FAAP20: variants seen among roughly 807,000 people sequenced by gnomAD.
FAAP20 encodes FA core complex associated protein 20, also known as Fanconi anemia core complex-associated protein 20.
In FAAP20, 12 loss-of-function variants were observed where a neutral mutation model predicts 16.2. The ratio of observed to expected loss-of-function variants is 0.74; its 90% CI spans 0.48 to 1.20. The LOEUF is 1.20. FAAP20 is among the 50% of genes most tolerant of loss of function. The pLI, the probability that FAAP20 is intolerant of heterozygous loss-of-function variation, is 0.00. For synonymous variants in FAAP20, 141 were observed against 110.7 expected, an observed-to-expected ratio of 1.27 and a Z score of -1.72; for missense variants, 288 against 245.8, an observed-to-expected ratio of 1.17 and a Z score of -1.15.
At chr1:2,198,097 G>A (rs1023642446), upstream of FAAP20, 25 of 1,291,200 alleles carry the variant, frequency 1.9e-5, no homozygotes, top group African/African-American at 2.0e-4. Context: ...TGATGAAAAC[G>A]CTCCACTTCT....
downstream of FAAP20, chr1:2,185,198 G>A (rs753674015): frequency 4.3e-4 from 301 of 708,198 alleles, 2 homozygotes; most frequent in Non-Finnish European, 5.0e-4. Flanking sequence ...CTGGGCCCGG[G>A]CAGGCCAGCT....
chr1:2,204,628 C>CG (rs1689168156), upstream of FAAP20, among the ~76,000 whole-genome samples: 1 of 152,124 alleles, frequency 6.6e-6, no homozygotes, highest in African/African-American at 2.4e-5. Flanking sequence ...ACCCGCAGGA[C>CG]GTCAGCCGGG....
At chr1:2,192,029 TC>T in intron 3 of FAAP20, 1 of 985,516 alleles carries the variant, frequency 1.0e-6, no homozygotes, top group Non-Finnish European at 1.2e-6. Flanking sequence ...TCCTGGCAGC[TC>T]CACTCCCCAG....
At chr1:2,192,359 A>T in intron 3 of FAAP20, 1 of 995,116 alleles carries the variant, frequency 1.0e-6, no homozygotes, top group Non-Finnish European at 1.2e-6. Context: ...CAAGGCCTGG[A>T]CCTGACTTCA....
At chr1:2,204,284 G>A (rs1569583780), upstream of FAAP20, among the ~76,000 whole-genome samples, 1 of 152,258 alleles carries the variant, frequency 6.6e-6, no homozygotes, top group Non-Finnish European at 1.5e-5. Context: ...ATCGTGAGCC[G>A]TGGTCTGCCG....
At chr1:2,203,657 G>T (rs145187530), upstream of FAAP20, 3 of 985,808 alleles carry the variant, frequency 3.0e-6, no homozygotes, top group Non-Finnish European at 3.6e-6. Context: ...TATCAGGCTG[G>T]GGCCGGCTGC....
At chr1:2,210,357 G>C (rs1456776022), downstream of FAAP20, among the ~76,000 whole-genome samples, 1 of 152,330 alleles carries the variant, frequency 6.6e-6, no homozygotes, top group East Asian at 1.9e-4. Flanking sequence ...CGGGACAGGG[G>C]GTGGCTGTGA....
chr1:2,196,630 A>G (rs262659), upstream of FAAP20, among the ~76,000 whole-genome samples: 29,599 of 151,860 alleles, frequency 0.19, 4,760 homozygotes, highest in African/African-American at 0.44. This position sits in a 1 kb window ranked among gnomAD's most constrained non-coding sequence, Gnocchi z 4.5. Flanking sequence ...ACTTGAGGCC[A>G]GGAGTTTGAG....
At chr1:2,184,811 T>A, downstream of FAAP20, 1 of 1,375,332 alleles carries the variant, frequency 7.3e-7, no homozygotes. Context: ...CCGCCTGGTG[T>A]CATCTCTCCA....
At chr1:2,186,042 C>G (rs1372532438), downstream of FAAP20, 5 of 452,324 alleles carry the variant, frequency 1.1e-5, no homozygotes, top group Non-Finnish European at 1.8e-5. Flanking sequence ...GCTGAGGCTT[C>G]CTAGAGGCAG....
At chr1:2,194,989 G>C (rs1005061742), upstream of FAAP20, among the ~76,000 whole-genome samples, 1 of 152,054 alleles carries the variant, frequency 6.6e-6, no homozygotes, top group East Asian at 2.0e-4. Flanking sequence ...CCCCGCCCGT[G>C]TCCCCTTTCC....
rs115162458 is a variant in FAAP20 at position 2,193,035 on chromosome 1, C to T, written c.470+604G>A. 1.0e-3 allele frequency: 1,312 copies of T among 1,295,552 alleles called. 15 individuals carry two copies. In the African/African-American group the frequency reaches 0.018, roughly 18 times the overall value. 80.3% of individuals were successfully genotyped at this position (1,295,552 alleles called of 1,614,324 possible). A position where few individuals can be genotyped will look rare whatever the true frequency, so the allele number is the denominator to read the frequency against. ...ACCTGGTCTCCATAAGCTCTGAAAC[C>T]TGCCGCCCATTAACTCAACCAAAAG... On this transcript the variant is annotated intron_variant, in intron 3 of 3. Transcript: ENST00000378546.
Position 2,189,759 on chromosome 1 carries a change from T to C in FAAP20, c.493A>G (p.Ser165Gly), listed in dbSNP as rs771746262. The change falls in exon 4 of 4, where the codon AGC (serine) becomes GGC (glycine). Residue 165 changes from serine (S) to glycine (G), a missense_variant. Coordinates refer to ENST00000378546, the MANE Select transcript of FAAP20 (RefSeq NM_182533.4). Reference sequence around the variant, plus strand: ...TCGGCCAAGCACTGGGCCAGGTGGCTGTCAACATCCAGCTGGGTCAGCCTG... The same window carrying C: ...TCGGCCAAGCACTGGGCCAGGTGGCCGTCAACATCCAGCTGGGTCAGCCTG... ...APRLTQLDVD[S>G]HLAQCLAEST... The C allele has an allele frequency of 1.9e-6, 3 of 1,612,834 alleles. No homozygotes were observed. Among genetic ancestry groups the C allele is most frequent in the Middle Eastern group, 1.6e-4 (1 of 6,062 alleles).
downstream of FAAP20, chr1:2,185,053 A>G (rs748055339): frequency 7.2e-6 from 11 of 1,536,526 alleles, no homozygotes; most frequent in Non-Finnish European, 9.8e-6. Flanking sequence ...TTGACCCTTT[A>G]ACTGTATCCT....
chr1:2,199,732 G>A (rs1688971162), upstream of FAAP20: 3 of 754,188 alleles, frequency 4.0e-6, no homozygotes, highest in South Asian at 1.2e-4. This position sits in a 1 kb window ranked among gnomAD's most constrained non-coding sequence, Gnocchi z 4.5. Flanking sequence ...AGGATGAGGC[G>A]ATACTGGGTT....
downstream of FAAP20, chr1:2,185,177 G>A (rs1372305827): frequency 1.4e-6 from 1 of 732,070 alleles, no homozygotes; most frequent in African/African-American, 1.7e-5. Context: ...GAGCAGAACA[G>A]TCCCTCACAC....
chr1:2,210,140 G>A (rs1424348049), downstream of FAAP20, among the ~76,000 whole-genome samples: 1 of 152,244 alleles, frequency 6.6e-6, no homozygotes, highest in African/African-American at 2.4e-5. Context: ...CTGGAGATGG[G>A]CGGCTCACCT....
chr1:2,185,056 T>C (rs1292152247), downstream of FAAP20: 2 of 1,530,050 alleles, frequency 1.3e-6, no homozygotes, highest in East Asian at 2.3e-5. Flanking sequence ...ACCCTTTAAC[T>C]GTATCCTTAA....
At chr1:2,208,076 C>T (rs531271903), downstream of FAAP20, among the ~76,000 whole-genome samples, 1 of 152,146 alleles carries the variant, frequency 6.6e-6, no homozygotes, top group African/African-American at 2.4e-5. Flanking sequence ...GTCTTGGATG[C>T]AGGGTGTTTT....
Sources: allele counts gnomAD v4.1 joint callset (sites outside exome capture counted in the v4.1 genomes callset), GRCh38; gene constraint gnomAD v4.1.1; non-coding constraint Gnocchi (gnomAD v3.1); transcripts MANE v1.5; gene names NCBI Gene and HGNC (gene_info 2026-07-23, HGNC 2026-07-21).